Variants in DLEC1 observed in about 807,000 individuals in gnomAD.
DLEC1 encodes the protein DLEC1 cilia and flagella associated protein.
A neutral mutation model predicts 198.1 loss-of-function variants in DLEC1; 146 were observed. The observed-to-expected ratio is 0.74, with a 90% CI of 0.64 to 0.85. DLEC1 has a LOEUF of 0.85. Ranked by LOEUF, DLEC1 falls within the 40% of genes least tolerant of loss-of-function variation. The pLI is 0.00. For synonymous variants in DLEC1, 897 were observed against 866.8 expected (o/e 1.03, Z -0.61); for missense variants, 2,233 against 2,220.0 (o/e 1.01, Z -0.12).
rs76369645 is a variant in DLEC1 at position 38,058,766 on chromosome 3, C to T, written c.563-976C>T. Among the ~76,000 whole-genome samples the T allele has an allele frequency of 8.8e-3, 1,334 of 152,010 alleles. 16 individuals are homozygous for T. Among genetic ancestry groups the T allele is most frequent in the African/African-American group, 0.03 (1,236 of 41,448 alleles). On this transcript the variant is annotated intron_variant, in intron 2 of 36. Transcript: ENST00000308059. ...GTCTATGTAGGTTCTTCAGTAGTAA[C>T]AAATGTATCTCTCTAGTGGGGGACG...
chr3:38,075,089 T>C (rs1313677089), intron 6 of DLEC1, among the ~76,000 whole-genome samples: 2 of 151,336 alleles, frequency 1.3e-5, no homozygotes, highest in Non-Finnish European at 2.9e-5. Flanking sequence ...AACCTGGCCA[T>C]GAGCAGCCTG....
At chr3:38,115,549 G>A (rs909814554) in intron 27 of DLEC1, among the ~76,000 whole-genome samples, 1 of 152,182 alleles carries the variant, frequency 6.6e-6, no homozygotes, top group African/African-American at 2.4e-5. Flanking sequence ...AGCATGTGGG[G>A]GCAAAGAGTG....
At chr3:38,110,017 A>C (rs1051270892) in intron 22 of DLEC1, 82 bp from the exon 23 acceptor site, 5 of 1,493,658 alleles carry the variant, frequency 3.3e-6, no homozygotes. Context: ...CAGCTTCTGC[A>C]TGCCCACCCA....
rs762666660 is a variant in DLEC1 at position 38,116,903 on chromosome 3, T to C, written c.4179+14T>C. The C allele has an allele frequency of 6.2e-7, 1 of 1,612,546 alleles. No homozygotes were observed. Among genetic ancestry groups the C allele is most frequent in the East Asian group, 2.2e-5 (1 of 44,846 alleles). ...CCCAAGCAGGTGGTGAGTTGGGGTA[T>C]GGGCTGGGAGCTGTCTGCATTGGCC... On this transcript the variant is annotated intron_variant, in intron 29 of 36. Transcript: ENST00000308059.
At position 38,097,772 on chromosome 3, in the gene DLEC1, C is replaced by T; in HGVS notation, c.2594C>T (p.Ala865Val). 1 of 1,614,160 alleles carries T rather than the reference C, an allele frequency of 6.2e-7. No homozygotes were observed. Among genetic ancestry groups the T allele is most frequent in the Non-Finnish European group, 8.5e-7 (1 of 1,180,036 alleles). Reference protein sequence around the residue: ...KGPALIINVSALQFGLLRLGQ... With the variant: ...KGPALIINVSVLQFGLLRLGQ... ...CCTGCCCTCATCATCAACGTCTCAGCCCTTCAGTTTGGTCTGCTCCGCCTG... is the reference window on the plus strand; with the variant it reads ...CCTGCCCTCATCATCAACGTCTCAGTCCTTCAGTTTGGTCTGCTCCGCCTG... Residue 865 changes from alanine to valine, a missense_variant, in exon 18 of 37, where the codon GCC becomes GTC. Coordinates refer to ENST00000308059, the MANE Select transcript of DLEC1 (RefSeq NM_007335.4).
Position 38,116,747 on chromosome 3 carries a change from G to A in DLEC1, c.4063-26G>A, listed in dbSNP as rs531539205. Reference sequence around the variant, plus strand: ...GCTAGTTGAACCTCAGTGACTGCGTGAACCTCAGTGATTCCTTGGTGACAG... The same window carrying A: ...GCTAGTTGAACCTCAGTGACTGCGTAAACCTCAGTGATTCCTTGGTGACAG... On this transcript the variant is annotated intron_variant, in intron 28 of 36. Coordinates refer to ENST00000308059, the MANE Select transcript of DLEC1 (RefSeq NM_007335.4). The A allele has an allele frequency of 2.5e-6, 4 of 1,608,778 alleles. No individual in the cohort carries two copies. The South Asian group carries it at 4.4e-5, about 18-fold the overall frequency.
At chr3:38,076,689 A>G (rs895202035) in intron 6 of DLEC1, among the ~76,000 whole-genome samples, 1 of 152,194 alleles carries the variant, frequency 6.6e-6, no homozygotes, top group African/African-American at 2.4e-5. Flanking sequence ...GGGCATATAC[A>G]TGCAAGTCAC....
intron 1 of DLEC1, among the ~76,000 whole-genome samples, chr3:38,045,162 T>A (rs1700825588): frequency 6.6e-6 from 1 of 152,192 alleles, no homozygotes; most frequent in African/African-American, 2.4e-5. Context: ...AGGTAGACTG[T>A]GAAGGGGCTG....
intron 2 of DLEC1, among the ~76,000 whole-genome samples, chr3:38,053,311 C>T (rs1701227461): frequency 6.6e-6 from 1 of 151,800 alleles, no homozygotes; most frequent in Admixed American, 6.6e-5. Context: ...TGAGGAGCGC[C>T]TCTTCCCGGC....
intron 6 of DLEC1, among the ~76,000 whole-genome samples, chr3:38,066,708 C>T (rs145499810): frequency 2.1e-3 from 325 of 152,348 alleles, no homozygotes; most frequent in Non-Finnish European, 3.7e-3. Context: ...TTCACATGCA[C>T]ATGGATTGCA....
At chr3:38,117,129 C>T (rs750263252) in intron 30 of DLEC1, 29 bp downstream of exon 30, 8 of 1,613,754 alleles carry the variant, frequency 5.0e-6, no homozygotes, top group East Asian at 4.5e-5. Flanking sequence ...GGGTGGGGGC[C>T]GCAGCCACTG....
At position 38,122,093 on chromosome 3, in the gene DLEC1, C is replaced by A; in HGVS notation, c.5043C>A (p.Ala1681=). 1 of 1,614,084 alleles carries A rather than the reference C, an allele frequency of 6.2e-7. No homozygotes were observed. ...CAGGCCAGCAGGAGCCAGCCAAGGC[C>A]GCTGTGGCCTTCAGGGTCTCCCCAA... ...MLMGQQEPAK[A]AVAFRVSPNS... The change falls in exon 36 of 37, where the codon GCC becomes GCA. Residue 1681 remains alanine, a synonymous_variant. Transcript: ENST00000308059.
At chr3:38,052,936 C>T (rs1229000820) in intron 2 of DLEC1, among the ~76,000 whole-genome samples, 8 of 152,330 alleles carry the variant, frequency 5.3e-5, no homozygotes, top group South Asian at 4.1e-4. Context: ...ATTGCAGGGG[C>T]GCGCCGCCAC....
chr3:38,056,733 A>G (rs895741360), intron 2 of DLEC1, among the ~76,000 whole-genome samples: 5 of 152,258 alleles, frequency 3.3e-5, no homozygotes, highest in Non-Finnish European at 7.3e-5. Context: ...ATCTTAAAAA[A>G]AAAGTGAAAA....
At chr3:38,082,805 C>G (rs1327858975) in intron 6 of DLEC1, among the ~76,000 whole-genome samples, 1 of 152,046 alleles carries the variant, frequency 6.6e-6, no homozygotes, top group Non-Finnish European at 1.5e-5. Context: ...CGGGACTTGC[C>G]GCTAAGGGTG....
intron 3 of DLEC1, among the ~76,000 whole-genome samples, chr3:38,061,164 C>CT (rs1696662014): frequency 1.3e-5 from 2 of 151,260 alleles, no homozygotes; most frequent in Admixed American, 6.6e-5. Flanking sequence ...GGATGGTTTT[C>CT]TTGTTTGTTT....
At chr3:38,089,932 A>C (rs1217994746) in intron 10 of DLEC1, among the ~76,000 whole-genome samples, 2 of 152,218 alleles carry the variant, frequency 1.3e-5, no homozygotes, top group Non-Finnish European at 2.9e-5. Context: ...TACTCCTAGC[A>C]CTTTGGGAGG....
At chr3:38,082,149 T>C (rs1443151480) in intron 6 of DLEC1, among the ~76,000 whole-genome samples, 2 of 144,616 alleles carry the variant, frequency 1.4e-5, no homozygotes, top group East Asian at 2.1e-4. Flanking sequence ...GCTCCTCACA[T>C]CCCAGATGGG....
At chr3:38,070,902 G>T (rs1048097472) in intron 6 of DLEC1, among the ~76,000 whole-genome samples, 1 of 152,210 alleles carries the variant, frequency 6.6e-6, no homozygotes, top group Non-Finnish European at 1.5e-5. Flanking sequence ...CACAGGAGAT[G>T]CGATGGCTTG....
Sources: gnomAD v4.1 joint callset for allele counts (sites outside exome capture counted in the v4.1 genomes callset) on GRCh38, gnomAD v4.1.1 for gene constraint, MANE v1.5 for transcripts, NCBI Gene and HGNC (gene_info 2026-07-23, HGNC 2026-07-21) for gene names.